The following QDPR variants were observed in gnomAD, a reference collection of about 807,000 sequenced individuals.
QDPR encodes dihydropteridine reductase.
Under a neutral mutation model 31.7 loss-of-function variants are expected in QDPR, and 23 were observed. The ratio of observed to expected loss-of-function variants is 0.73; its 90% confidence interval spans 0.52 to 1.03. The LOEUF (loss-of-function observed/expected upper bound fraction) is 1.03. Among genes scored for constraint, QDPR ranks in the 50% least tolerant of loss-of-function variants. QDPR has a pLI of 0.00. For missense variants in QDPR, 324 were observed against 323.8 expected, an observed-to-expected ratio of 1.00 and a Z score of 0.00; for synonymous variants, 124 against 124.7, an observed-to-expected ratio of 0.99 and a Z score of 0.03.
chr4:17,499,189 C>T (rs1445937201), intron 4 of QDPR, among the ~76,000 whole-genome samples: 2 of 152,078 alleles, frequency 1.3e-5, no homozygotes, highest in African/African-American at 2.4e-5. Flanking sequence ...GATGACAAAA[C>T]GCAGACTCAG....
At chr4:17,509,179 G>A (rs1400029076) in intron 2 of QDPR, 92 bp downstream of exon 2, 3 of 1,039,380 alleles carry the variant, frequency 2.9e-6, no homozygotes, top group Non-Finnish European at 3.0e-6. Context: ...GAAATAAAAG[G>A]AAGAACATAC....
At chr4:17,492,154 A>C in intron 5 of QDPR, 78 bp downstream of exon 5, 1 of 1,269,270 alleles carries the variant, frequency 7.9e-7, no homozygotes, top group Non-Finnish European at 1.1e-6. Context: ...TCGCCTGTGG[A>C]AAGCTACAGT....
In QDPR at chr4:17,492,228, T is replaced by A. The variant is rs1425600665; in HGVS notation, c.545+4A>T. 1 of 1,613,172 alleles carries A rather than the reference T, an allele frequency of 6.2e-7. No individual in the cohort carries two copies. The highest frequency in any genetic ancestry group is 8.5e-7 in the Non-Finnish European group (1 of 1,179,428). On this transcript the variant is annotated splice_donor_region_variant and intron_variant, in intron 5 of 6. Transcript: ENST00000281243. ...GCAGCAGCCAGGGAACCCCAAGCAC[T>A]TACGGGAGCACAGCGATGGCGGCTG...
intron 1 of QDPR, among the ~76,000 whole-genome samples, chr4:17,510,994 A>G (rs893568175): frequency 4.6e-5 from 7 of 152,242 alleles, no homozygotes; most frequent in African/African-American, 1.2e-4. Flanking sequence ...TGGTTACACT[A>G]AAAGCCCAGA....
rs1463414939 is a variant in QDPR at position 17,487,012 on chromosome 4, T to C, written c.*119A>G. The C allele has an allele frequency of 1.3e-6, 1 of 790,586 alleles. No individual in the cohort carries two copies. Among genetic ancestry groups the C allele is most frequent in the Non-Finnish European group, 2.2e-6 (1 of 448,560 alleles). 49.0% of individuals were successfully genotyped at this position (790,586 alleles called of 1,614,324 possible). ...AAATGCATATTATGTGAGAGAAAAA[T>C]AGGACTCATTATCTCGTACCACAAA... On this transcript the variant is annotated 3_prime_UTR_variant, in exon 7 of 7. Transcript: ENST00000281243.
At chr4:17,508,221 G>C (rs1418832700) in intron 2 of QDPR, among the ~76,000 whole-genome samples, 2 of 152,174 alleles carry the variant, frequency 1.3e-5, no homozygotes, top group Non-Finnish European at 2.9e-5. Flanking sequence ...TGGATAACTT[G>C]AGGTCAGAAG....
intron 1 of QDPR, among the ~76,000 whole-genome samples, chr4:17,510,275 G>C (rs984396491): frequency 3.9e-5 from 6 of 152,206 alleles, no homozygotes; most frequent in African/African-American, 1.4e-4. Context: ...AGCTCTGCCA[G>C]AGTGGCTTTC....
chr4:17,498,980 G>T (rs1437907688), intron 4 of QDPR, among the ~76,000 whole-genome samples: 1 of 152,142 alleles, frequency 6.6e-6, no homozygotes, highest in Non-Finnish European at 1.5e-5. Context: ...TCTAACTTAA[G>T]AGGTTAAAGA....
chr4:17,507,095 C>T (rs1316778637), intron 2 of QDPR, among the ~76,000 whole-genome samples: 3 of 152,028 alleles, frequency 2.0e-5, no homozygotes, highest in Non-Finnish European at 4.4e-5. Flanking sequence ...TTATAAAAAC[C>T]AGATAAGGAT....
At chr4:17,510,244 G>A (rs993777647) in intron 1 of QDPR, among the ~76,000 whole-genome samples, 11 of 152,220 alleles carry the variant, frequency 7.2e-5, no homozygotes, top group African/African-American at 2.7e-4. Context: ...TTGGAAATCA[G>A]ACAGATCAGG....
At chr4:17,504,647 A>G (rs544426958) in intron 2 of QDPR, among the ~76,000 whole-genome samples, 172 bp from the exon 3 acceptor site, 1 of 152,318 alleles carries the variant, frequency 6.6e-6, no homozygotes, top group East Asian at 1.9e-4. Context: ...CATTTTAGAC[A>G]TTGAAGCCCA....
At chr4:17,492,186 C>T (rs375827275) in intron 5 of QDPR, 46 bp downstream of exon 5, 6 of 1,517,788 alleles carry the variant, frequency 4.0e-6, no homozygotes, top group Non-Finnish European at 5.5e-6. Context: ...TCACCTGCAG[C>T]AGTGGGGCAG....
intron 4 of QDPR, 135 bp downstream of exon 4, chr4:17,501,584 A>G (rs974698521): frequency 2.8e-6 from 3 of 1,067,802 alleles, no homozygotes; most frequent in African/African-American, 1.6e-5. Flanking sequence ...GGCCCAAAAG[A>G]AGACAAAATC....
chr4:17,488,858 T>C (rs569667271), intron 6 of QDPR, among the ~76,000 whole-genome samples: 6 of 152,314 alleles, frequency 3.9e-5, no homozygotes, highest in East Asian at 3.9e-4. Context: ...AAAGCGTTGC[T>C]AAAACTCTCT....
chr4:17,502,459 G>A (rs954590282), intron 3 of QDPR, among the ~76,000 whole-genome samples: 1 of 152,114 alleles, frequency 6.6e-6, no homozygotes, highest in Non-Finnish European at 1.5e-5. Flanking sequence ...TGTGGTACCT[G>A]GTGATCAAAA....
At chr4:17,506,561 T>C (rs1718794865) in intron 2 of QDPR, among the ~76,000 whole-genome samples, 1 of 152,230 alleles carries the variant, frequency 6.6e-6, no homozygotes, top group South Asian at 2.1e-4. Context: ...CTTTTATCTG[T>C]TTGACCTTGG....
At chr4:17,511,427 C>G (rs1719002668) in intron 1 of QDPR, among the ~76,000 whole-genome samples, 1 of 152,212 alleles carries the variant, frequency 6.6e-6, no homozygotes, top group Non-Finnish European at 1.5e-5. Flanking sequence ...CATTAATAGA[C>G]AGCATTTAAA....
chr4:17,496,758 CTTTTT>C, intron 4 of QDPR, among the ~76,000 whole-genome samples: 1 of 145,502 alleles, frequency 6.9e-6, no homozygotes, highest in Middle Eastern at 3.4e-3. Flanking sequence ...ACCTCAGCCT[CTTTTT>C]TTGTTTGTTT....
intron 3 of QDPR, among the ~76,000 whole-genome samples, 175 bp downstream of exon 3, chr4:17,504,204 T>G (rs1718671719): frequency 6.6e-6 from 1 of 152,140 alleles, no homozygotes; most frequent in South Asian, 2.1e-4. Flanking sequence ...AGGGGAAGCT[T>G]CTTCTTTATC....
Sources: allele counts gnomAD v4.1 joint callset (sites outside exome capture counted in the v4.1 genomes callset), GRCh38; gene constraint gnomAD v4.1.1; transcripts MANE v1.5; gene names NCBI Gene and HGNC (gene_info 2026-07-23, HGNC 2026-07-21).